The following CHORDC1 variants were observed in gnomAD, a reference collection of about 807,000 sequenced individuals.
CHORDC1 encodes the protein cysteine and histidine-rich domain-containing protein 1.
CHORDC1 carries 25 observed loss-of-function variants against 48.3 expected under a neutral mutation model. That is an observed-to-expected ratio of 0.52 (90% CI 0.38 to 0.72). CHORDC1 has a LOEUF of 0.72. Ranked by LOEUF, CHORDC1 falls within the 30% of genes least tolerant of loss-of-function variation. The probability of loss-of-function intolerance (pLI) is 0.00; values close to 1 mark genes in which losing one functional copy is unlikely to be tolerated. For missense variants in CHORDC1, 317 were observed against 388.7 expected, an observed-to-expected ratio of 0.82 and a Z score of 1.55; for synonymous variants, 128 against 126.4, an observed-to-expected ratio of 1.01 and a Z score of -0.09.
chr11:90,204,537 G>A (rs1857620720), intron 8 of CHORDC1, among the ~76,000 whole-genome samples: 1 of 152,038 alleles, frequency 6.6e-6, no homozygotes, highest in African/African-American at 2.4e-5. Context: ...TAGCCAAGAT[G>A]GTGAAAACCT....
chr11:90,205,782 T>G, intron 7 of CHORDC1: 1 of 520,664 alleles, frequency 1.9e-6, no homozygotes, highest in Non-Finnish European at 3.4e-6. Context: ...TTCTATAAAC[T>G]AGAGCATAAT....
rs374297329 is a variant in CHORDC1 at position 90,202,370 on chromosome 11, G to A, written c.*35C>T. 17 of 1,599,854 alleles carry A rather than the reference G, an allele frequency of 1.1e-5. No individual in the cohort carries two copies. The Middle Eastern group carries it at 6.8e-4, about 64-fold the overall frequency. On this transcript the variant is annotated 3_prime_UTR_variant, in exon 11 of 11. Coordinates refer to ENST00000320585, the MANE Select transcript of CHORDC1 (RefSeq NM_012124.3). ...CCACTTCACACAGTATTAAAAATTC[G>A]GAAATAATGTAATAGCCTTCCTTCC... is the stretch of plus-strand genomic sequence containing the variant.
intron 10 of CHORDC1, 82 bp downstream of exon 10, chr11:90,202,731 A>C (rs1188227245): frequency 6.8e-7 from 1 of 1,472,266 alleles, no homozygotes; most frequent in African/African-American, 1.4e-5. Context: ...CTTTGCATCA[A>C]TGTTTACTGA....
chr11:90,216,839 C>T (rs1423382992), intron 2 of CHORDC1, among the ~76,000 whole-genome samples: 1 of 151,792 alleles, frequency 6.6e-6, no homozygotes. Context: ...GAGCCATCGG[C>T]GTAGAGGTGA....
chr11:90,215,107 C>G (rs1857974220), intron 3 of CHORDC1, 67 bp downstream of exon 3: 2 of 954,460 alleles, frequency 2.1e-6, no homozygotes, highest in Non-Finnish European at 3.1e-6. Flanking sequence ...TCAGACTCCT[C>G]AAATCTGAAG....
Position 90,202,370 on chromosome 11 carries a change from G to T in CHORDC1, c.*35C>A, listed in dbSNP as rs374297329. 6.3e-7 allele frequency: 1 copy of T among 1,599,854 alleles called. No homozygotes were observed. Among genetic ancestry groups the T allele is most frequent in the Non-Finnish European group, 8.5e-7 (1 of 1,170,924 alleles). On this transcript the variant is annotated 3_prime_UTR_variant, in exon 11 of 11. Transcript: ENST00000320585. ...CCACTTCACACAGTATTAAAAATTC[G>T]GAAATAATGTAATAGCCTTCCTTCC...
chr11:90,218,034 A>G, intron 2 of CHORDC1, 101 bp downstream of exon 2: 1 of 834,358 alleles, frequency 1.2e-6, no homozygotes. Flanking sequence ...CATTAAGAAG[A>G]AAGTCACTAG....
chr11:90,221,170 T>C (rs1043968348), intron 1 of CHORDC1, among the ~76,000 whole-genome samples: 4 of 152,122 alleles, frequency 2.6e-5, no homozygotes, highest in African/African-American at 9.7e-5. Context: ...AAATGGAACT[T>C]GCTTGTGTAT....
chr11:90,219,806 C>A (rs1858119545), intron 1 of CHORDC1, among the ~76,000 whole-genome samples: 1 of 152,182 alleles, frequency 6.6e-6, no homozygotes, highest in Non-Finnish European at 1.5e-5. Flanking sequence ...GGGTTAGGGT[C>A]TCCACGACCA....
At position 90,206,262 on chromosome 11, in the gene CHORDC1, C is replaced by A; in HGVS notation, c.503G>T (p.Gly168Val). 2 of 1,550,728 alleles carry A rather than the reference C, an allele frequency of 1.3e-6. No individual in the cohort carries two copies. Among genetic ancestry groups the A allele is most frequent in the Non-Finnish European group, 1.8e-6 (2 of 1,123,320 alleles). ...ACAGACTTCTTCTAGACTCTCTAGA[C>A]CCTGGTATGTCTAAAAAGGAAACAA... is the stretch of plus-strand genomic sequence containing the variant. ...KNGGCSKTYQ[G>V]LESLEEVCVY... Residue 168 changes from glycine to valine, a missense_variant, in exon 7 of 11, where the codon GGT becomes GTT. Transcript: ENST00000320585.
chr11:90,207,856 G>A (rs1442034703), intron 6 of CHORDC1: 3 of 148,188 alleles, frequency 2.0e-5, no homozygotes, highest in South Asian at 2.1e-4. Context: ...TGGTAGAAAC[G>A]TAAACAAATA....
In CHORDC1 at chr11:90,215,342, GAGTGCAAAATTTC is replaced by G. The variant is rs1857981754; in HGVS notation, c.115-125_115-113del. ...TGAATCCTGCAGTAACTTGCGTATA[GAGTGCAAAATTTC>G]AGTGTTGCATATAATTCACCTAATC... is the stretch of plus-strand genomic sequence containing the variant. On this transcript the variant is annotated intron_variant, in intron 2 of 10. Coordinates refer to ENST00000320585, the MANE Select transcript of CHORDC1 (RefSeq NM_012124.3). The G allele has an allele frequency of 1.4e-5, 8 of 552,580 alleles. No individual in the cohort carries two copies. The South Asian group carries it at 3.0e-4, about 21-fold the overall frequency. 34.2% of individuals were successfully genotyped at this position (552,580 alleles called of 1,614,324 possible). A position where few individuals can be genotyped will look rare whatever the true frequency, so the allele number is the denominator to read the frequency against.
intron 4 of CHORDC1, 170 bp from the exon 5 acceptor site, chr11:90,211,488 A>G: frequency 1.9e-6 from 1 of 522,350 alleles, no homozygotes; most frequent in Non-Finnish European, 3.4e-6. Context: ...ATGTATCTAC[A>G]TTCTGTCTTA....
At chr11:90,222,334 G>A (rs1436163006) in intron 1 of CHORDC1, among the ~76,000 whole-genome samples, 1 of 152,222 alleles carries the variant, frequency 6.6e-6, no homozygotes, top group African/African-American at 2.4e-5. Flanking sequence ...AAAACAGCGT[G>A]AAGATACAGA....
Position 90,200,754 on chromosome 11 carries a change from A to G in CHORDC1, c.*1651T>C, listed in dbSNP as rs1006124442. On this transcript the variant is annotated 3_prime_UTR_variant, in exon 11 of 11. Transcript: ENST00000320585. The stretch of plus-strand genomic sequence containing the variant: ...TTTCAATTACATGTAACAGATTAAG[A>G]TACTGTTTAGGGGAAAACAGCCTCA... Among the ~76,000 whole-genome samples the G allele has an allele frequency of 1.3e-5, 2 of 152,020 alleles. No homozygotes were observed. Among genetic ancestry groups the G allele is most frequent in the African/African-American group, 4.8e-5 (2 of 41,448 alleles).
chr11:90,203,340 C>G lies in CHORDC1; in HGVS notation c.757G>C (p.Glu253Gln). The stretch of plus-strand genomic sequence containing the variant: ...CTATTTGCTTCTACTCGGCTAAGTT[C>G]TGGAAGTGAGTTTTTAGCATATACT... ...ISVYAKNSLPELSRVEANSTL... is the reference protein window; with the variant it reads ...ISVYAKNSLPQLSRVEANSTL... The change falls in exon 9 of 11, where the codon GAA becomes CAA. Residue 253 changes from glutamate (E) to glutamine (Q), a missense_variant. Glu to Gln is a conservative substitution (Grantham distance 29, BLOSUM62 2). Coordinates refer to ENST00000320585, the MANE Select transcript of CHORDC1 (RefSeq NM_012124.3). The G allele has an allele frequency of 6.3e-7, 1 of 1,599,082 alleles. No individual in the cohort carries two copies. The highest frequency in any genetic ancestry group is 8.5e-7 in the Non-Finnish European group (1 of 1,169,844).
chr11:90,212,131 G>A (rs1276045559), intron 4 of CHORDC1: 1 of 151,990 alleles, frequency 6.6e-6, no homozygotes, highest in Non-Finnish European at 1.5e-5. Flanking sequence ...AATATTAGTC[G>A]GTCACTGATA....
At position 90,204,711 on chromosome 11, in the gene CHORDC1, GA is replaced by G. The variant is rs377551273; in HGVS notation, c.669+748del. On this transcript the variant is annotated intron_variant, in intron 8 of 10. Transcript: ENST00000320585. ...GCGACAGAGCGAGACTCTGTCTCAA[GA>G]AAAAAAAAAGTGGGGGAGGGGCAGC... Among the ~76,000 whole-genome samples the G allele has an allele frequency of 2.8e-4, 40 of 144,570 alleles. No individual in the cohort carries two copies. In the South Asian group the frequency reaches 2.8e-3, roughly 10 times the overall value. The allele number at this position is 144,570 out of a possible 152,430, so 94.8% of individuals were successfully genotyped here. A position where few individuals can be genotyped will look rare whatever the true frequency, so the allele number is the denominator to read the frequency against.
At chr11:90,218,016 G>T in intron 2 of CHORDC1, 119 bp downstream of exon 2, 1 of 637,762 alleles carries the variant, frequency 1.6e-6, no homozygotes. Context: ...CACCTCCCCC[G>T]CAAAGGTCAT....
Sources: allele counts gnomAD v4.1 joint callset (sites outside exome capture counted in the v4.1 genomes callset), GRCh38; gene constraint gnomAD v4.1.1; transcripts MANE v1.5; gene names NCBI Gene and HGNC (gene_info 2026-07-23, HGNC 2026-07-21).